Variants in ANXA8 observed in about 807,000 individuals in gnomAD.
ANXA8 encodes VAC-beta.
Under a neutral mutation model 26.8 loss-of-function variants are expected in ANXA8, and 9 were observed. That is an observed-to-expected ratio of 0.34 (90% CI 0.20 to 0.59). The LOEUF (loss-of-function observed/expected upper bound fraction) is 0.59. ANXA8 is among the 20% of genes least tolerant of loss of function. The probability of loss-of-function intolerance (pLI) is 0.84; values close to 1 mark genes in which losing one functional copy is unlikely to be tolerated. For missense variants in ANXA8, 83 were observed against 238.5 expected (o/e 0.35, Z 4.29); for synonymous variants, 39 against 94.8 (o/e 0.41, Z 3.42).
At chr10:47,575,215 A>AAAAAAAG in the ANXA8 span, among the ~76,000 whole-genome samples, 1 of 110,672 alleles carries the variant, frequency 9.0e-6, no homozygotes, top group African/African-American at 3.5e-5. Flanking sequence ...AAAAAAAAAA[A>AAAAAAAG]AAAGAAAGAA....
rs1839169021 is a variant in ANXA8, at chr10:47,468,218, AATTTGTAGTTT to A, written c.*618_*628del. ...TATAACACAGTGTCCTTGGGTCAGG[AATTTGTAGTTT>A]ATTTTGTTATTAAGATGGCGAGAGA... On this transcript the variant is annotated 3_prime_UTR_variant, in exon 12 of 12. Coordinates refer to ENST00000585281, the MANE Select transcript of ANXA8 (RefSeq NM_001040084.3). The A allele has an allele frequency of 6.5e-6, 1 of 154,914 alleles. No homozygotes were observed. Among genetic ancestry groups the A allele is most frequent in the African/African-American group, 2.5e-5 (1 of 39,670 alleles). The allele number at this position is 154,914 out of a possible 1,614,324, so 9.6% of individuals were successfully genotyped here. A position where few individuals can be genotyped will look rare whatever the true frequency, so the allele number is the denominator to read the frequency against.
chr10:47,722,444 CTCCTATTTAGGCAGCACTAGG>C, the ANXA8 span, among the ~76,000 whole-genome samples: 3 of 137,052 alleles, frequency 2.2e-5, no homozygotes, highest in South Asian at 4.6e-4. Context: ...ACAATTAAGG[CTCCTATTTAGGCAGCACTAGG>C]AAATGTTTGG....
chr10:47,983,223 A>T, the ANXA8 span, among the ~76,000 whole-genome samples: 1 of 59,856 alleles, frequency 1.7e-5, no homozygotes, highest in African/African-American at 5.7e-5. Context: ...TGACCAAGGA[A>T]TTCCACTCCT....
At chr10:47,948,886 G>A in the ANXA8 span, among the ~76,000 whole-genome samples, 1 of 151,540 alleles carries the variant, frequency 6.6e-6, no homozygotes. Flanking sequence ...GATCTGAATA[G>A]AACAGACAGA....
chr10:47,495,073 C>T, the ANXA8 span, among the ~76,000 whole-genome samples: 1 of 150,474 alleles, frequency 6.6e-6, no homozygotes, highest in Non-Finnish European at 1.5e-5. Context: ...CTCTCTCTCT[C>T]TCTCCCACCT....
the ANXA8 span, among the ~76,000 whole-genome samples, chr10:47,648,044 A>T: frequency 6.6e-6 from 1 of 151,848 alleles, no homozygotes; most frequent in South Asian, 2.1e-4. Context: ...TGAGGGAGAG[A>T]TATGTTCCAA....
chr10:47,668,041 C>G, the ANXA8 span, among the ~76,000 whole-genome samples: 2 of 151,742 alleles, frequency 1.3e-5, no homozygotes, highest in Admixed American at 1.3e-4. Flanking sequence ...CCTGGCTTCA[C>G]TCAGTGTTTT....
the ANXA8 span, among the ~76,000 whole-genome samples, chr10:47,733,215 T>TCTCTCTCTC: frequency 1.1e-5 from 1 of 94,966 alleles, no homozygotes; most frequent in African/African-American, 3.6e-5. Context: ...CTTTCTTTCT[T>TCTCTCTCTC]TCTTTCTCTT....
chr10:47,469,805 T>C (rs1356352476), intron 11 of ANXA8, among the ~76,000 whole-genome samples: 1 of 151,528 alleles, frequency 6.6e-6, no homozygotes, highest in Non-Finnish European at 1.5e-5. Flanking sequence ...ATTGTCTACT[T>C]TTCACCATTT....
the ANXA8 span, among the ~76,000 whole-genome samples, chr10:47,712,810 TGAGACAGAG>T: frequency 9.4e-6 from 1 of 106,030 alleles, no homozygotes; most frequent in African/African-American, 3.9e-5. Flanking sequence ...TTTGTTTGTT[TGAGACAGAG>T]TTTCATTCTT....
At chr10:47,703,044 A>G in the ANXA8 span, among the ~76,000 whole-genome samples, 1 of 150,264 alleles carries the variant, frequency 6.7e-6, no homozygotes, top group Admixed American at 6.6e-5. Flanking sequence ...CAGACAAGAC[A>G]TGTTGAAATA....
At chr10:47,674,967 A>G in the ANXA8 span, among the ~76,000 whole-genome samples, 6 of 149,900 alleles carry the variant, frequency 4.0e-5, no homozygotes, top group South Asian at 1.3e-3. Flanking sequence ...AGCATGTAGT[A>G]TATGCTTTAG....
chr10:47,545,061 T>TTTTGTTTGTTTG, the ANXA8 span, among the ~76,000 whole-genome samples: 4 of 19,762 alleles, frequency 2.0e-4, no homozygotes, highest in Admixed American at 5.7e-4. Context: ...TCTTCAGTCT[T>TTTTGTTTGTTTG]TTTGTTTGTT....
the ANXA8 span, among the ~76,000 whole-genome samples, chr10:47,942,673 G>A: frequency 8.4e-3 from 1,189 of 142,176 alleles, 20 homozygotes; most frequent in South Asian, 0.023. Flanking sequence ...CTGTTGCTGG[G>A]GACCTACTCC....
chr10:47,925,563 G>A, the ANXA8 span, among the ~76,000 whole-genome samples: 1 of 81,672 alleles, frequency 1.2e-5, no homozygotes, highest in East Asian at 2.7e-4. Context: ...GCTAAGAATT[G>A]GGGTAGTGGG....
the ANXA8 span, chr10:47,588,863 G>A: frequency 8.3e-6 from 1 of 120,946 alleles, no homozygotes; most frequent in Non-Finnish European, 1.6e-5. Flanking sequence ...TGCCCAGGCT[G>A]GAATGCAGTG....
the ANXA8 span, chr10:47,564,996 G>C: frequency 9.8e-7 from 1 of 1,021,060 alleles, no homozygotes; most frequent in East Asian, 2.4e-5. Flanking sequence ...ATCGTCCACC[G>C]TCTGGCCGGC....
chr10:47,944,844 T>G, the ANXA8 span, among the ~76,000 whole-genome samples: 1 of 144,594 alleles, frequency 6.9e-6, no homozygotes, highest in Non-Finnish European at 1.5e-5. Context: ...ATACATCTCC[T>G]GACAGCCTGG....
chr10:47,960,059 C>T, the ANXA8 span, among the ~76,000 whole-genome samples: 9 of 148,654 alleles, frequency 6.1e-5, no homozygotes, highest in South Asian at 1.5e-3. Flanking sequence ...TCTGACTAAC[C>T]CAGGGAGAGA....
Sources: gnomAD v4.1 joint callset for allele counts (sites outside exome capture counted in the v4.1 genomes callset) on GRCh38, gnomAD v4.1.1 for gene constraint, MANE v1.5 for transcripts, NCBI Gene and HGNC (gene_info 2026-07-23, HGNC 2026-07-21) for gene names.